PDGFD: variants seen among roughly 807,000 people sequenced by gnomAD.
PDGFD encodes platelet derived growth factor D.
Under a neutral mutation model 44.7 loss-of-function variants are expected in PDGFD, and 30 were observed. The observed-to-expected ratio is 0.67, with a 90% CI of 0.50 to 0.91. The LOEUF (loss-of-function observed/expected upper bound fraction) is 0.91. Among genes scored for constraint, PDGFD ranks in the 40% least tolerant of loss-of-function variants. PDGFD has a pLI of 0.00. For synonymous variants in PDGFD, 173 were observed against 168.4 expected (o/e 1.03, Z -0.21); for missense variants, 445 against 457.8 (o/e 0.97, Z 0.25).
chr11:104,090,546 T>C (rs1861197451), intron 1 of PDGFD, among the ~76,000 whole-genome samples: 1 of 151,248 alleles, frequency 6.6e-6, no homozygotes, highest in Admixed American at 6.6e-5. Context: ...GGAGAATCAC[T>C]TGTACCCAGG....
At chr11:104,161,674 C>T (rs183259423) in intron 1 of PDGFD, among the ~76,000 whole-genome samples, 108 of 152,302 alleles carry the variant, frequency 7.1e-4, no homozygotes, top group African/African-American at 2.5e-3. Flanking sequence ...TGAAGGAACA[C>T]AGACCGTTGC....
chr11:104,006,271 A>G (rs1438660583), intron 1 of PDGFD, among the ~76,000 whole-genome samples: 1 of 152,200 alleles, frequency 6.6e-6, no homozygotes, highest in Non-Finnish European at 1.5e-5. Context: ...AGCACTATAC[A>G]TATTAATAAG....
At chr11:104,008,475 T>C (rs1859736377) in intron 1 of PDGFD, among the ~76,000 whole-genome samples, 1 of 152,116 alleles carries the variant, frequency 6.6e-6, no homozygotes, top group African/African-American at 2.4e-5. Flanking sequence ...TTTGGAAAAA[T>C]CTCTATTTCT....
At chr11:104,018,463 C>T (rs1278507818) in intron 1 of PDGFD, among the ~76,000 whole-genome samples, 2 of 152,162 alleles carry the variant, frequency 1.3e-5, no homozygotes, top group East Asian at 1.9e-4. Context: ...ATTGTCCATT[C>T]GTTAACTGAG....
intron 1 of PDGFD, among the ~76,000 whole-genome samples, chr11:104,053,111 C>G (rs143926769): frequency 6.6e-6 from 1 of 152,236 alleles, no homozygotes; most frequent in Non-Finnish European, 1.5e-5. Context: ...ATGGTGAACT[C>G]CTCTGAAGAA....
chr11:103,968,966 G>T (rs147363056), intron 3 of PDGFD, among the ~76,000 whole-genome samples: 20 of 152,284 alleles, frequency 1.3e-4, no homozygotes, highest in Non-Finnish European at 2.6e-4. Context: ...TGCATGGAAA[G>T]TTCTCCCAAC....
rs72981170 is a variant in PDGFD at position 104,121,389 on chromosome 11, G to A, written c.124+42415C>T. Among the ~76,000 whole-genome samples, 503 of 152,014 alleles carry A rather than the reference G, an allele frequency of 3.3e-3. 1 individual carries two copies. Among genetic ancestry groups the A allele is most frequent in the East Asian group, 0.012 (61 of 5,168 alleles). ...GTGCTCAGAAAAAAAGAAGTGTATCGTTTATCCAGAATTACAGACATTTAG... is the reference window on the plus strand; with the variant it reads ...GTGCTCAGAAAAAAAGAAGTGTATCATTTATCCAGAATTACAGACATTTAG... On this transcript the variant is annotated intron_variant, in intron 1 of 6. Transcript: ENST00000393158.
chr11:104,119,109 T>TTGGTA (rs1861702989), intron 1 of PDGFD, among the ~76,000 whole-genome samples: 1 of 64,258 alleles, frequency 1.6e-5, no homozygotes, highest in Non-Finnish European at 2.6e-5. Context: ...ATATAATATA[T>TTGGTA]TAATATAATA....
intron 1 of PDGFD, among the ~76,000 whole-genome samples, chr11:104,088,697 C>G (rs947654356): frequency 6.6e-6 from 1 of 152,082 alleles, no homozygotes; most frequent in African/African-American, 2.4e-5. Context: ...TCACAAGGAA[C>G]AGTGAAGAAG....
At chr11:104,018,127 C>T (rs1859888574) in intron 1 of PDGFD, among the ~76,000 whole-genome samples, 1 of 151,874 alleles carries the variant, frequency 6.6e-6, no homozygotes, top group African/African-American at 2.4e-5. Context: ...ACATTGTCCC[C>T]CAATTGCACC....
chr11:103,972,468 A>G (rs761471266), intron 3 of PDGFD, among the ~76,000 whole-genome samples: 2 of 152,078 alleles, frequency 1.3e-5, no homozygotes, highest in African/African-American at 4.8e-5. Context: ...CCAGCATTCT[A>G]TGGAGAAGGC....
chr11:104,061,985 A>G (rs1029217194), intron 1 of PDGFD, among the ~76,000 whole-genome samples: 5 of 152,102 alleles, frequency 3.3e-5, no homozygotes, highest in African/African-American at 4.8e-5. Context: ...CTATCTTAGC[A>G]TACTTTTGGC....
intron 1 of PDGFD, among the ~76,000 whole-genome samples, chr11:104,030,608 C>CT (rs1226205281): frequency 6.6e-6 from 1 of 152,210 alleles, no homozygotes; most frequent in Non-Finnish European, 1.5e-5. Context: ...GCTCAGACTA[C>CT]TATTCCTTTC....
At chr11:104,150,810 G>A (rs556023663) in intron 1 of PDGFD, among the ~76,000 whole-genome samples, 1 of 152,150 alleles carries the variant, frequency 6.6e-6, no homozygotes, top group South Asian at 2.1e-4. Flanking sequence ...TGCATTTAGG[G>A]CCTACCCAAA....
At chr11:104,024,003 C>A (rs1435157898) in intron 1 of PDGFD, among the ~76,000 whole-genome samples, 1 of 152,146 alleles carries the variant, frequency 6.6e-6, no homozygotes, top group East Asian at 1.9e-4. Context: ...TCCCCAACAG[C>A]TTTTCTTTAG....
Position 104,139,900 on chromosome 11 carries a change from A to G in PDGFD, c.124+23904T>C, listed in dbSNP as rs1218045366. Among the ~76,000 whole-genome samples the G allele has an allele frequency of 4.3e-5, 3 of 69,436 alleles. 1 individual carries two copies. Among genetic ancestry groups the G allele is most frequent in the Non-Finnish European group, 7.8e-5 (3 of 38,448 alleles). 45.6% of individuals were successfully genotyped at this position (69,436 alleles called of 152,430 possible). A position where few individuals can be genotyped will look rare whatever the true frequency, so the allele number is the denominator to read the frequency against. ...AAAAAAAAAAAAAAAAAAAAAAAAA[A>G]ATACAAAAAATTAGCCGGGCGCGGT... On this transcript the variant is annotated intron_variant, in intron 1 of 6. Transcript: ENST00000393158.
chr11:103,954,939 C>A (rs1044242433), intron 3 of PDGFD, among the ~76,000 whole-genome samples: 1 of 151,414 alleles, frequency 6.6e-6, no homozygotes, highest in East Asian at 1.9e-4. Context: ...CCGAGGCGGG[C>A]GGATCACGAG....
At chr11:103,968,746 G>A (rs764955998) in intron 3 of PDGFD, among the ~76,000 whole-genome samples, 15 of 152,236 alleles carry the variant, frequency 9.9e-5, no homozygotes, top group Non-Finnish European at 1.8e-4. Flanking sequence ...AAGCAAAATC[G>A]AAACATACAG....
intron 1 of PDGFD, among the ~76,000 whole-genome samples, chr11:104,010,219 CACAA>C (rs1050558709): frequency 3.5e-4 from 53 of 150,964 alleles, no homozygotes; most frequent in African/African-American, 1.0e-3. Flanking sequence ...CTCTTTTTGG[CACAA>C]ACAAAGATGT....
Sources: allele counts gnomAD v4.1 joint callset (sites outside exome capture counted in the v4.1 genomes callset), GRCh38; gene constraint gnomAD v4.1.1; transcripts MANE v1.5; gene names NCBI Gene and HGNC (gene_info 2026-07-23, HGNC 2026-07-21).